Variants in ZDHHC15 observed in about 807,000 individuals in gnomAD.
ZDHHC15 encodes the protein palmitoyltransferase ZDHHC15.
ZDHHC15 carries 19 observed loss-of-function variants against 31.7 expected under a neutral mutation model. The ratio of observed to expected loss-of-function variants is 0.60; its 90% CI spans 0.42 to 0.88. ZDHHC15 has a LOEUF of 0.88. Among genes scored for constraint, ZDHHC15 ranks in the 40% least tolerant of loss-of-function variants. ZDHHC15 has a pLI of 0.00. For missense variants in ZDHHC15, 209 were observed against 251.2 expected (o/e 0.83, Z 1.14); for synonymous variants, 103 against 90.0 (o/e 1.14, Z -0.82).
At chrX:75,374,985 G>T (rs2083044339) in intron 11 of ZDHHC15, among the ~76,000 whole-genome samples, 1 of 111,204 alleles carries the variant, frequency 9.0e-6, no homozygotes, top group South Asian at 3.7e-4. Flanking sequence ...TGCAGCGATG[G>T]TTTCACAGAT....
At chrX:75,386,938 A>G (rs1267555403) in intron 10 of ZDHHC15, among the ~76,000 whole-genome samples, 1 of 111,867 alleles carries the variant, frequency 8.9e-6, no homozygotes, top group Non-Finnish European at 1.9e-5. Context: ...CTCAGTGAGG[A>G]GAGAAACTGA....
chrX:75,486,002 T>G (rs2084771719), intron 2 of ZDHHC15, among the ~76,000 whole-genome samples: 1 of 110,982 alleles, frequency 9.0e-6, no homozygotes, highest in Non-Finnish European at 1.9e-5. Context: ...TGGTGAACTT[T>G]TGCCCCAAGA....
intron 6 of ZDHHC15, among the ~76,000 whole-genome samples, 153 bp from the exon 7 acceptor site, chrX:75,429,351 A>G (rs189202151): frequency 1.4e-4 from 16 of 111,947 alleles, no homozygotes; most frequent in African/African-American, 4.9e-4. Flanking sequence ...CTTAATAAGA[A>G]CAAACTGGAT....
chrX:75,452,024 C>T (rs1454324599), intron 3 of ZDHHC15, among the ~76,000 whole-genome samples: 2 of 110,947 alleles, frequency 1.8e-5, no homozygotes, highest in East Asian at 5.7e-4. Flanking sequence ...CAAATTCACA[C>T]ATAACAATAT....
At chrX:75,408,793 A>T (rs1474473653) in intron 10 of ZDHHC15, among the ~76,000 whole-genome samples, 2 of 112,668 alleles carry the variant, frequency 1.8e-5, no homozygotes, top group African/African-American at 3.2e-5. Flanking sequence ...GAATTTATGC[A>T]CACCAACAAC....
In ZDHHC15 at chrX:75,371,646, C is replaced by T. The variant is rs183612968; in HGVS notation, c.*1332G>A. ...CTCTAGAAGCTCAATTCCTTGATAC[C>T]TGTAAGATGCTTCTAAATTCCACTG... On this transcript the variant is annotated 3_prime_UTR_variant, in exon 12 of 12. Coordinates refer to ENST00000373367, the MANE Select transcript of ZDHHC15 (RefSeq NM_144969.3). 1 of 111,687 alleles carries T rather than the reference C, an allele frequency of 9.0e-6. No individual in the cohort carries two copies. Among genetic ancestry groups the T allele is most frequent in the Admixed American group, 9.5e-5 (1 of 10,478 alleles). The allele number at this position is 111,687 out of a possible 1,213,427, so 9.2% of individuals were successfully genotyped here.
chrX:75,494,669 A>G (rs937132846), intron 2 of ZDHHC15, among the ~76,000 whole-genome samples: 1 of 112,544 alleles, frequency 8.9e-6, no homozygotes, highest in Non-Finnish European at 1.9e-5. Context: ...CCTGACAAAA[A>G]CAGGAAATTG....
intron 1 of ZDHHC15, among the ~76,000 whole-genome samples, chrX:75,508,247 T>G: frequency 9.4e-6 from 1 of 106,839 alleles, no homozygotes; most frequent in East Asian, 3.1e-4. Context: ...GTGCACCCAT[T>G]AACTCGTCAT....
intron 11 of ZDHHC15, among the ~76,000 whole-genome samples, chrX:75,378,430 C>A (rs2083081101): frequency 8.9e-6 from 1 of 111,758 alleles, no homozygotes; most frequent in Non-Finnish European, 1.9e-5. Flanking sequence ...ACCTGGGAAC[C>A]CACGAACAGA....
At chrX:75,504,477 T>A (rs935246707) in intron 2 of ZDHHC15, among the ~76,000 whole-genome samples, 23 of 111,321 alleles carry the variant, frequency 2.1e-4, no homozygotes, top group African/African-American at 7.2e-4. Context: ...ATCTGATGGA[T>A]CATGCCTAAT....
At chrX:75,522,739 G>T in intron 1 of ZDHHC15, 150 bp downstream of exon 1, 1 of 755,542 alleles carries the variant, frequency 1.3e-6, no homozygotes, top group Non-Finnish European at 1.9e-6. Flanking sequence ...ATTGTGGGAA[G>T]CCAGAGGCTG....
chrX:75,385,888 T>C (rs1315612695), intron 10 of ZDHHC15, among the ~76,000 whole-genome samples: 7 of 111,756 alleles, frequency 6.3e-5, no homozygotes, highest in African/African-American at 2.3e-4. Flanking sequence ...ATGTATCCTG[T>C]ATTGTGTTCT....
chrX:75,493,344 T>A (rs1160466685), intron 2 of ZDHHC15, among the ~76,000 whole-genome samples: 1 of 111,936 alleles, frequency 8.9e-6, no homozygotes, highest in African/African-American at 3.2e-5. Flanking sequence ...AGCCGAATTG[T>A]ACCAGAGGTA....
At chrX:75,429,859 C>T in intron 6 of ZDHHC15, 89 bp downstream of exon 6, 1 of 929,934 alleles carries the variant, frequency 1.1e-6, no homozygotes, top group Non-Finnish European at 1.5e-6. Context: ...GTGGCAGAAA[C>T]AGGCATGTGA....
At chrX:75,419,062 A>T (rs1162446850) in intron 9 of ZDHHC15, among the ~76,000 whole-genome samples, 1 of 111,989 alleles carries the variant, frequency 8.9e-6, no homozygotes, top group Admixed American at 9.5e-5. Context: ...TATCCATCTG[A>T]CAAAGGGCTA....
chrX:75,517,346 A>C (rs1343364868), intron 1 of ZDHHC15, among the ~76,000 whole-genome samples: 4 of 110,891 alleles, frequency 3.6e-5, no homozygotes, highest in Admixed American at 9.6e-5. Context: ...CCAAATGCCC[A>C]TCAATGATAG....
chrX:75,435,355 C>A (rs1403304157), intron 4 of ZDHHC15, among the ~76,000 whole-genome samples: 1 of 111,500 alleles, frequency 9.0e-6, no homozygotes, highest in African/African-American at 3.3e-5. Context: ...TCTGATCACT[C>A]TGGCTAGGAC....
At chrX:75,452,207 C>T (rs746189938) in intron 3 of ZDHHC15, among the ~76,000 whole-genome samples, 806 of 11,509 alleles carry the variant, frequency 0.07, 11 homozygotes, top group African/African-American at 0.089. Flanking sequence ...AAATAGAAAG[C>T]GAAAAAAAAA....
intron 2 of ZDHHC15, among the ~76,000 whole-genome samples, chrX:75,492,789 G>A (rs891457536): frequency 8.9e-6 from 1 of 111,854 alleles, no homozygotes; most frequent in African/African-American, 3.3e-5. Flanking sequence ...GCAGTGTGTA[G>A]AGGGAAATTT....
Sources: allele counts gnomAD v4.1 joint callset (sites outside exome capture counted in the v4.1 genomes callset), GRCh38; gene constraint gnomAD v4.1.1; transcripts MANE v1.5; gene names NCBI Gene and HGNC (gene_info 2026-07-23, HGNC 2026-07-21).